The following HACE1 variants were observed in gnomAD, a reference collection of about 807,000 sequenced individuals.
HACE1 encodes the protein HECT domain and ankyrin repeat containing E3 ubiquitin protein ligase 1.
Under a neutral mutation model 118.4 loss-of-function variants are expected in HACE1, and 73 were observed. That is an observed-to-expected ratio of 0.62 (90% confidence interval 0.51 to 0.75). HACE1 has a LOEUF of 0.75. Ranked by LOEUF, HACE1 falls within the 30% of genes least tolerant of loss-of-function variation. HACE1 has a pLI of 0.00. For synonymous variants in HACE1, 368 were observed against 374.8 expected, an observed-to-expected ratio of 0.98 and a Z score of 0.21; for missense variants, 749 against 1,102.2, an observed-to-expected ratio of 0.68 and a Z score of 4.54.
intron 22 of HACE1, chr6:104,731,938 A>C (rs1018569309): frequency 2.0e-5 from 3 of 152,120 alleles, no homozygotes; most frequent in Non-Finnish European, 2.9e-5. Context: ...AAAAAAGATA[A>C]ACAAATGCCC....
chr6:104,780,578 G>C (rs1473437730), intron 14 of HACE1: 1 of 194,546 alleles, frequency 5.1e-6, no homozygotes, highest in Admixed American at 5.8e-5. Flanking sequence ...AGAGTACAAA[G>C]TATTTTTTTT....
Position 104,807,231 on chromosome 6 carries a change from C to T in HACE1, c.617+4080G>A, listed in dbSNP as rs138506667. On this transcript the variant is annotated intron_variant, in intron 7 of 23. Transcript: ENST00000262903. Reference sequence around the variant, plus strand: ...TAGAGACGGGGTTTCACCATGTTGGCCAGGATGGTCTCAATCTCTTGACCT... The same window carrying T: ...TAGAGACGGGGTTTCACCATGTTGGTCAGGATGGTCTCAATCTCTTGACCT... 7.6e-3 allele frequency among the ~76,000 whole-genome samples: 1,150 copies of T among 152,086 alleles called. 15 individuals carry two copies. Among genetic ancestry groups the T allele is most frequent in the African/African-American group, 0.025 (1,038 of 41,496 alleles).
At chr6:104,846,213 A>G (rs1281926311) in intron 4 of HACE1, among the ~76,000 whole-genome samples, 1 of 152,228 alleles carries the variant, frequency 6.6e-6, no homozygotes, top group African/African-American at 2.4e-5. Flanking sequence ...GAATAAGTCA[A>G]ATCAACCCAA....
intron 1 of HACE1, among the ~76,000 whole-genome samples, chr6:104,858,953 A>G (rs1777019869): frequency 6.6e-6 from 1 of 152,194 alleles, no homozygotes; most frequent in East Asian, 1.9e-4. Context: ...CCTAGTTACC[A>G]GCTAGCCCAC....
At chr6:104,823,975 C>T (rs1003378602) in intron 6 of HACE1, among the ~76,000 whole-genome samples, 2 of 152,114 alleles carry the variant, frequency 1.3e-5, no homozygotes, top group African/African-American at 2.4e-5. Flanking sequence ...CAGAAGAAAC[C>T]TTAAATGTAC....
At chr6:104,736,748 A>C (rs1285733388) in intron 22 of HACE1, among the ~76,000 whole-genome samples, 1 of 152,164 alleles carries the variant, frequency 6.6e-6, no homozygotes, top group Non-Finnish European at 1.5e-5. Context: ...GCAGTAACAA[A>C]CTGCAAGAGA....
At chr6:104,763,904 G>A (rs962717445) in intron 19 of HACE1, among the ~76,000 whole-genome samples, 4 of 152,038 alleles carry the variant, frequency 2.6e-5, no homozygotes, top group African/African-American at 9.7e-5. Flanking sequence ...ACAAAAATTA[G>A]CCAGGTGTGG....
intron 4 of HACE1, among the ~76,000 whole-genome samples, chr6:104,847,087 CTTTATT>C (rs199713569): frequency 6.6e-6 from 1 of 152,264 alleles, no homozygotes; most frequent in African/African-American, 2.4e-5. Context: ...CTCTGTGCCA[CTTTATT>C]TGTTTCTAAA....
intron 7 of HACE1, among the ~76,000 whole-genome samples, chr6:104,801,555 T>C (rs571962198): frequency 6.6e-6 from 1 of 152,308 alleles, no homozygotes; most frequent in African/African-American, 2.4e-5. Flanking sequence ...GAGTGGGGGC[T>C]AATATTTGAC....
chr6:104,739,903 C>A, intron 22 of HACE1, among the ~76,000 whole-genome samples: 1 of 151,940 alleles, frequency 6.6e-6, no homozygotes, highest in African/African-American at 2.4e-5. Flanking sequence ...CCAAAATTGA[C>A]CACATACTTG....
intron 7 of HACE1, among the ~76,000 whole-genome samples, chr6:104,800,482 A>T (rs999007434): frequency 6.6e-6 from 1 of 152,242 alleles, no homozygotes; most frequent in Non-Finnish European, 1.5e-5. Context: ...GACACCTCAT[A>T]TAGGCGGGTG....
chr6:104,832,890 C>T lies in HACE1; in HGVS notation c.534+152G>A, dbSNP rs1774148924. 4.3e-6 allele frequency: 3 copies of T among 693,452 alleles called. No homozygotes were observed. The South Asian group carries it at 4.7e-5, about 11-fold the overall frequency. The allele number at this position is 693,452 out of a possible 1,614,324, so 43.0% of individuals were successfully genotyped here. On this transcript the variant is annotated intron_variant, in intron 6 of 23. Coordinates refer to ENST00000262903, the MANE Select transcript of HACE1 (RefSeq NM_020771.4). The stretch of plus-strand genomic sequence containing the variant: ...CTCCAGCCTGGGCAACAAAGTGAGG[C>T]CCTGTCTCAAAAAAAAAAGTCCATA...
At chr6:104,754,512 A>G (rs1169163072) in intron 19 of HACE1, among the ~76,000 whole-genome samples, 1 of 152,174 alleles carries the variant, frequency 6.6e-6, no homozygotes, top group African/African-American at 2.4e-5. Context: ...AAATGAAAGA[A>G]AAGCTGTTAA....
intron 7 of HACE1, among the ~76,000 whole-genome samples, chr6:104,805,203 C>A (rs1770856208): frequency 6.6e-6 from 1 of 152,124 alleles, no homozygotes; most frequent in Admixed American, 6.5e-5. Flanking sequence ...AGTCAAGAAA[C>A]AACAAGTGCT....
At chr6:104,756,597 C>G (rs1182731824) in intron 19 of HACE1, among the ~76,000 whole-genome samples, 1 of 151,110 alleles carries the variant, frequency 6.6e-6, no homozygotes, top group African/African-American at 2.4e-5. Context: ...CGAATAGGAA[C>G]AGCTCTGGTC....
intron 14 of HACE1, among the ~76,000 whole-genome samples, chr6:104,779,394 C>T (rs1405722376): frequency 6.6e-6 from 1 of 152,086 alleles, no homozygotes; most frequent in Non-Finnish European, 1.5e-5. Context: ...ACAATATGAT[C>T]GATGAGAGAT....
intron 6 of HACE1, among the ~76,000 whole-genome samples, chr6:104,819,014 A>G (rs1405198807): frequency 6.6e-6 from 1 of 152,246 alleles, no homozygotes; most frequent in Non-Finnish European, 1.5e-5. Context: ...CCCCTATTCA[A>G]CACAGTATTG....
intron 22 of HACE1, among the ~76,000 whole-genome samples, chr6:104,733,481 CTT>C (rs1038717022): frequency 2.6e-5 from 4 of 152,038 alleles, no homozygotes; most frequent in African/African-American, 9.7e-5. Context: ...ATAAAACAGT[CTT>C]TGGTTGAATA....
intron 3 of HACE1, 39 bp from the exon 4 acceptor site, chr6:104,849,285 A>T (rs1479253761): frequency 9.1e-7 from 1 of 1,095,520 alleles, no homozygotes. Flanking sequence ...TACATTCAAC[A>T]TACAGCCATA....
Sources: allele counts gnomAD v4.1 joint callset (sites outside exome capture counted in the v4.1 genomes callset), GRCh38; gene constraint gnomAD v4.1.1; transcripts MANE v1.5; gene names NCBI Gene and HGNC (gene_info 2026-07-23, HGNC 2026-07-21).